USP34: variants seen among roughly 807,000 people sequenced by gnomAD.
USP34 encodes the protein ubiquitin specific peptidase 34.
Under a neutral mutation model 460.3 loss-of-function variants are expected in USP34, and 70 were observed. That is an observed-to-expected ratio of 0.15 (90% confidence interval 0.13 to 0.19). The LOEUF is 0.19. USP34 is among the 10% of genes least tolerant of loss of function. The probability of loss-of-function intolerance (pLI) is 1.00; values close to 1 mark genes in which losing one functional copy is unlikely to be tolerated. For missense variants in USP34, 3,985 were observed against 4,236.2 expected, an observed-to-expected ratio of 0.94 and a Z score of 1.65; for synonymous variants, 1,647 against 1,405.3, an observed-to-expected ratio of 1.17 and a Z score of -3.85.
Position 61,256,894 on chromosome 2 carries a change from C to T in USP34, c.6105G>A (p.Val2035=). ...AEEFYTVRCQ[V]ADMKNIYESL... is the part of the protein sequence containing the mutation. ...TCACATAAATGTTCTTCATATCAGC[C>T]ACTTGGCACCTCACAGTATAAAACT... Residue 2035 remains valine, a synonymous_variant, in exon 47 of 80, where the codon GTG becomes GTA. Transcript: ENST00000398571. 1 of 1,566,876 alleles carries T rather than the reference C, an allele frequency of 6.4e-7. No homozygotes were observed. Among genetic ancestry groups the T allele is most frequent in the Non-Finnish European group, 8.6e-7 (1 of 1,159,582 alleles).
chr2:61,468,769 T>C (rs1322888758), intron 1 of USP34, among the ~76,000 whole-genome samples: 1 of 152,190 alleles, frequency 6.6e-6, no homozygotes. Flanking sequence ...CACTGCATTT[T>C]TCAGTGCTTC....
At chr2:61,254,310 G>C (rs1290966809) in intron 48 of USP34, among the ~76,000 whole-genome samples, 1 of 151,714 alleles carries the variant, frequency 6.6e-6, no homozygotes. Context: ...TGTACTTTTA[G>C]GTTGGCTTAG....
intron 8 of USP34, among the ~76,000 whole-genome samples, chr2:61,371,112 G>A (rs1456089363): frequency 6.6e-6 from 1 of 152,160 alleles, no homozygotes; most frequent in East Asian, 1.9e-4. Context: ...GTCAATGGCA[G>A]ACCAAAGGAT....
chr2:61,286,592 T>G (rs1047218002), intron 34 of USP34, among the ~76,000 whole-genome samples: 3 of 152,004 alleles, frequency 2.0e-5, no homozygotes, highest in Non-Finnish European at 2.9e-5. Flanking sequence ...GAGGCAGAGG[T>G]TGCAGTGAGC....
intron 10 of USP34, 100 bp downstream of exon 10, chr2:61,370,221 T>C: frequency 8.1e-7 from 1 of 1,230,084 alleles, no homozygotes; most frequent in Non-Finnish European, 1.1e-6. Flanking sequence ...TGTCTTGGTC[T>C]CCTTAGCTAT....
rs749358941 is a variant in USP34, at chr2:61,236,036, G to C, written c.6956C>G (p.Ser2319Cys). ...TSFVLETFIHSKEKPTMLQWI... is the reference protein window; with the variant it reads ...TSFVLETFIHCKEKPTMLQWI... ...GTAGAAAACACATACCTTTTCTTTAGAATGAATAAATGTCTCTAGGACAAA... is the reference window on the plus strand; with the variant it reads ...GTAGAAAACACATACCTTTTCTTTACAATGAATAAATGTCTCTAGGACAAA... The change falls in exon 56 of 80, where the codon TCT (serine) becomes TGT (cysteine). Residue 2319 changes from serine to cysteine, a missense_variant. Transcript: ENST00000398571. The C allele has an allele frequency of 1.2e-6, 2 of 1,605,920 alleles. No homozygotes were observed. The highest frequency in any genetic ancestry group is 1.7e-6 in the Non-Finnish European group (2 of 1,178,012).
chr2:61,399,978 C>G (rs1203719521), intron 3 of USP34, among the ~76,000 whole-genome samples: 3 of 149,468 alleles, frequency 2.0e-5, no homozygotes, highest in African/African-American at 7.4e-5. Flanking sequence ...TTTTTAAAGT[C>G]TTGCATTTTT....
chr2:61,233,374 AG>A (rs1309986189), intron 57 of USP34, among the ~76,000 whole-genome samples: 22 of 152,210 alleles, frequency 1.4e-4, no homozygotes, highest in Non-Finnish European at 3.1e-4. Flanking sequence ...AATGGCATGG[AG>A]AAAAAAAAAG....
At chr2:61,195,449 A>T (rs1272745076) in intron 75 of USP34, among the ~76,000 whole-genome samples, 1 of 151,832 alleles carries the variant, frequency 6.6e-6, no homozygotes, top group African/African-American at 2.4e-5. Flanking sequence ...CAAGGCAGGC[A>T]GATCATGAGG....
intron 51 of USP34, among the ~76,000 whole-genome samples, chr2:61,244,576 C>A (rs1688370178): frequency 1.3e-5 from 2 of 150,796 alleles, no homozygotes; most frequent in South Asian, 4.2e-4. Context: ...GATCGCGCCA[C>A]TGACTCCAGT....
intron 1 of USP34, among the ~76,000 whole-genome samples, chr2:61,456,824 G>A (rs1045910228): frequency 3.3e-5 from 5 of 151,410 alleles, no homozygotes; most frequent in African/African-American, 1.2e-4. Context: ...ACACCAAAAC[G>A]AAAATTAGCT....
intron 1 of USP34, among the ~76,000 whole-genome samples, chr2:61,459,803 T>C (rs1227308554): frequency 2.0e-5 from 3 of 149,632 alleles, no homozygotes; most frequent in Non-Finnish European, 4.4e-5. Context: ...CTCACACCTG[T>C]AATCGTAGCA....
intron 27 of USP34, among the ~76,000 whole-genome samples, chr2:61,309,927 A>G (rs1347828371): frequency 2.0e-5 from 3 of 152,152 alleles, no homozygotes; most frequent in Non-Finnish European, 4.4e-5. Context: ...GCAATCCTTT[A>G]TCTAATAGTA....
Position 61,188,052 on chromosome 2 carries a change from CATGGGGG to C in USP34, c.*43_*49del. On this transcript the variant is annotated 3_prime_UTR_variant, in exon 80 of 80. Transcript: ENST00000398571. ...AAATAAGCAAAACTTATACAAACAG[CATGGGGG>C]TTGGGGGTGAGGGACTTAAAAGTAG... 1 of 1,561,830 alleles carries C rather than the reference CATGGGGG, an allele frequency of 6.4e-7. No homozygotes were observed. The highest frequency in any genetic ancestry group is 1.2e-5 in the South Asian group (1 of 81,134).
At position 61,301,449 on chromosome 2, in the gene USP34, G is replaced by T; in HGVS notation, c.3823C>A (p.Leu1275Ile). 1 of 1,609,202 alleles carries T rather than the reference G, an allele frequency of 6.2e-7. No homozygotes were observed. The highest frequency in any genetic ancestry group is 8.5e-7 in the Non-Finnish European group (1 of 1,178,766). ...GAAATCATCCTGACAGGTCCCATGA[G>T]GCCTCCTTAAAAACAGCAAAACATG... ...SNRKGEFPGG[L>I]MGPVRMISSG... Residue 1275 changes from leucine (L) to isoleucine (I), a missense_variant, in exon 28 of 80, where the codon CTC becomes ATC. Transcript: ENST00000398571.
chr2:61,232,041 T>A (rs1017154308), intron 58 of USP34, among the ~76,000 whole-genome samples: 1 of 152,108 alleles, frequency 6.6e-6, no homozygotes, highest in Non-Finnish European at 1.5e-5. Flanking sequence ...AACTGTTTCG[T>A]TTGACAGTTC....
At chr2:61,380,737 A>T (rs992529396) in intron 6 of USP34, among the ~76,000 whole-genome samples, 10 of 152,206 alleles carry the variant, frequency 6.6e-5, no homozygotes, top group African/African-American at 2.2e-4. Flanking sequence ...AATAGACATG[A>T]CATAAGTGGA....
rs910917380 is a variant in USP34, at chr2:61,227,885, G to A, written c.7444-667C>T. Among the ~76,000 whole-genome samples the A allele has an allele frequency of 3.5e-5, 5 of 144,208 alleles. No homozygotes were observed. In the Admixed American group the frequency reaches 3.5e-4, roughly 10 times the overall value. 94.6% of individuals were successfully genotyped at this position (144,208 alleles called of 152,430 possible). On this transcript the variant is annotated intron_variant, in intron 61 of 79. Coordinates refer to ENST00000398571, the MANE Select transcript of USP34 (RefSeq NM_014709.4). The stretch of plus-strand genomic sequence containing the variant: ...ATAGTATTTCCTATTTAATAAAAAT[G>A]CCAGTTATACAAAATAAGAAATTCT...
In USP34 at chr2:61,421,807, G is replaced by A. The variant is rs529281811; in HGVS notation, c.44-974C>T. On this transcript the variant is annotated intron_variant, in intron 1 of 79. Coordinates refer to ENST00000398571, the MANE Select transcript of USP34 (RefSeq NM_014709.4). ...CACACACACACACACACGCGCGCGC[G>A]CGCACCTTCTACTTAATCAGACTAC... Among the ~76,000 whole-genome samples, 174 of 152,140 alleles carry A rather than the reference G, an allele frequency of 1.1e-3. 1 individual carries two copies. The highest frequency in any genetic ancestry group is 6.8e-3 in the Middle Eastern group (2 of 294).
Sources: gnomAD v4.1 joint callset for allele counts (sites outside exome capture counted in the v4.1 genomes callset) on GRCh38, gnomAD v4.1.1 for gene constraint, MANE v1.5 for transcripts, NCBI Gene and HGNC (gene_info 2026-07-23, HGNC 2026-07-21) for gene names.